FRMD5: variants seen among roughly 807,000 people sequenced by gnomAD.
The protein encoded by FRMD5 is FERM domain-containing protein 5.
FRMD5 carries 20 observed loss-of-function variants against 69.0 expected under a neutral mutation model. That is an observed-to-expected ratio of 0.29 (90% CI 0.20 to 0.42). FRMD5 has a LOEUF of 0.42. FRMD5 is among the 10% of genes least tolerant of loss of function. The pLI, the probability that FRMD5 is intolerant of heterozygous loss-of-function variation, is 1.00. For missense variants in FRMD5, 595 were observed against 708.6 expected, an observed-to-expected ratio of 0.84 and a Z score of 1.82; for synonymous variants, 271 against 260.1, an observed-to-expected ratio of 1.04 and a Z score of -0.40.
intron 1 of FRMD5, among the ~76,000 whole-genome samples, chr15:43,966,877 G>T (rs1168590315): frequency 6.6e-6 from 1 of 152,144 alleles, no homozygotes; most frequent in East Asian, 1.9e-4. Flanking sequence ...GTTCTAGGAT[G>T]ATTTTTCCAG....
chr15:44,100,587 T>C (rs1164164510), intron 1 of FRMD5, among the ~76,000 whole-genome samples: 1 of 152,106 alleles, frequency 6.6e-6, no homozygotes. Flanking sequence ...AAAAACCACT[T>C]CTACATTATT....
chr15:44,197,744 G>A (rs544156091), upstream of FRMD5, among the ~76,000 whole-genome samples: 1 of 151,736 alleles, frequency 6.6e-6, no homozygotes, highest in Non-Finnish European at 1.5e-5. Flanking sequence ...TTTGTTGAAG[G>A]CAAAAGTTAC....
chr15:44,195,170 G>A lies in FRMD5; in HGVS notation c.-116C>T. ...GCACCTGCACCATCACCCCGGCCCC[G>A]TCGCTGCCGTTGCCTCCTGCTGGCC... On this transcript the variant is annotated 5_prime_UTR_variant, in exon 1 of 14. In the 5' UTR this introduces an upstream ATG that the reference lacks. Coordinates refer to ENST00000417257, the MANE Select transcript of FRMD5 (RefSeq NM_032892.5). 1 of 740,394 alleles carries A rather than the reference G, an allele frequency of 1.4e-6. No individual in the cohort carries two copies. Among genetic ancestry groups the A allele is most frequent in the Non-Finnish European group, 2.1e-6 (1 of 485,832 alleles). The allele number at this position is 740,394 out of a possible 1,614,324, so 45.9% of individuals were successfully genotyped here. A position where few individuals can be genotyped will look rare whatever the true frequency, so the allele number is the denominator to read the frequency against.
intron 1 of FRMD5, among the ~76,000 whole-genome samples, chr15:44,130,962 AC>A (rs1289125429): frequency 6.6e-6 from 1 of 152,220 alleles, no homozygotes; most frequent in Non-Finnish European, 1.5e-5. Context: ...GATGACCTCT[AC>A]TGACCAAAGG....
intron 1 of FRMD5, among the ~76,000 whole-genome samples, chr15:44,162,902 C>T (rs2077644474): frequency 6.7e-6 from 1 of 149,200 alleles, no homozygotes; most frequent in African/African-American, 2.5e-5. Context: ...AGGCTGGGCG[C>T]GGTGGCTCAC....
intron 1 of FRMD5, among the ~76,000 whole-genome samples, chr15:44,084,611 A>G (rs778275551): frequency 1.2e-4 from 19 of 152,084 alleles, no homozygotes; most frequent in Non-Finnish European, 2.5e-4. Context: ...TATTATCCAC[A>G]TGATAGACCT....
At chr15:44,066,591 T>C (rs1438042846) in intron 1 of FRMD5, among the ~76,000 whole-genome samples, 3 of 151,826 alleles carry the variant, frequency 2.0e-5, no homozygotes, top group Non-Finnish European at 2.9e-5. Context: ...TCTATCAGAG[T>C]TGAGAGAACA....
At chr15:44,103,837 G>T (rs1115870) in intron 1 of FRMD5, among the ~76,000 whole-genome samples, 137,349 of 152,246 alleles carry the variant, frequency 0.9, 62,490 homozygotes, top group East Asian at 1. Context: ...AAGACTAAAA[G>T]GAAGCTGAAA....
intron 1 of FRMD5, among the ~76,000 whole-genome samples, chr15:44,091,188 A>C (rs1171631684): frequency 6.6e-6 from 1 of 152,252 alleles, no homozygotes; most frequent in Non-Finnish European, 1.5e-5. Flanking sequence ...CTTCAGGAGA[A>C]GAAAATGTTA....
chr15:44,023,933 T>C (rs764894826), intron 1 of FRMD5, among the ~76,000 whole-genome samples: 3 of 152,172 alleles, frequency 2.0e-5, no homozygotes, highest in African/African-American at 4.8e-5. Context: ...CCATATCTAG[T>C]GGCTGGCCTA....
chr15:44,028,674 G>T (rs1290648897), intron 1 of FRMD5, among the ~76,000 whole-genome samples: 2 of 152,162 alleles, frequency 1.3e-5, no homozygotes, highest in African/African-American at 4.8e-5. Context: ...CCAGAAGTCA[G>T]GGGGAGGCCC....
At chr15:44,086,058 T>C (rs1017509007) in intron 1 of FRMD5, among the ~76,000 whole-genome samples, 2 of 152,120 alleles carry the variant, frequency 1.3e-5, no homozygotes, top group Non-Finnish European at 2.9e-5. Context: ...GCCTGAAGAC[T>C]GCAGGAATGA....
intron 4 of FRMD5, among the ~76,000 whole-genome samples, chr15:43,914,286 C>T (rs1212085286): frequency 2.6e-5 from 4 of 152,130 alleles, no homozygotes; most frequent in Non-Finnish European, 4.4e-5. Context: ...TTTGGCCTTA[C>T]CTTCCCTTCA....
At chr15:43,905,133 TC>T (rs1319589324) in intron 6 of FRMD5, among the ~76,000 whole-genome samples, 4 of 138,404 alleles carry the variant, frequency 2.9e-5, no homozygotes, top group African/African-American at 1.1e-4. Context: ...ACTCAACCTC[TC>T]CTTTTTTTTT....
chr15:43,947,447 G>A (rs2089964687), intron 1 of FRMD5, among the ~76,000 whole-genome samples: 1 of 151,968 alleles, frequency 6.6e-6, no homozygotes, highest in Admixed American at 6.6e-5. Context: ...ATAGTGTTTG[G>A]GTATGGCTTT....
At chr15:44,135,723 G>A (rs1341606471) in intron 1 of FRMD5, among the ~76,000 whole-genome samples, 4 of 151,360 alleles carry the variant, frequency 2.6e-5, no homozygotes, top group African/African-American at 9.7e-5. Flanking sequence ...TACTCAGGAG[G>A]CTGAGGCAGG....
At chr15:43,921,255 T>G (rs1266477548) in intron 2 of FRMD5, among the ~76,000 whole-genome samples, 1 of 152,148 alleles carries the variant, frequency 6.6e-6, no homozygotes, top group Admixed American at 6.5e-5. Flanking sequence ...GAGGAGAACA[T>G]AGCCAGTGCC....
At chr15:44,126,653 A>G (rs1171466715) in intron 1 of FRMD5, among the ~76,000 whole-genome samples, 1 of 152,050 alleles carries the variant, frequency 6.6e-6, no homozygotes, top group African/African-American at 2.4e-5. Context: ...TCTACTCTTC[A>G]TACTCTCCCA....
At chr15:43,908,234 G>T (rs1370205227) in intron 5 of FRMD5, among the ~76,000 whole-genome samples, 4 of 151,608 alleles carry the variant, frequency 2.6e-5, no homozygotes, top group African/African-American at 9.7e-5. Flanking sequence ...AGGCTGAGGT[G>T]GGAGGATCAC....
Sources: allele counts gnomAD v4.1 joint callset (sites outside exome capture counted in the v4.1 genomes callset), GRCh38; gene constraint gnomAD v4.1.1; transcripts MANE v1.5; gene names NCBI Gene and HGNC (gene_info 2026-07-23, HGNC 2026-07-21).